Variants in ARRB1 observed in about 807,000 individuals in gnomAD.
ARRB1 encodes the protein arrestin beta 1.
ARRB1 carries 21 observed loss-of-function variants against 56.8 expected under a neutral mutation model. That is an observed-to-expected ratio of 0.37 (90% CI 0.26 to 0.53). ARRB1 has a LOEUF of 0.53. ARRB1 is among the 20% of genes least tolerant of loss of function. The probability of loss-of-function intolerance (pLI) is 0.88; values close to 1 mark genes in which losing one functional copy is unlikely to be tolerated. For missense variants in ARRB1, 424 were observed against 553.7 expected (o/e 0.77, Z 2.35); for synonymous variants, 210 against 218.6 (o/e 0.96, Z 0.35).
intron 1 of ARRB1, among the ~76,000 whole-genome samples, chr11:75,292,057 A>C (rs1046796332): frequency 6.6e-6 from 1 of 152,222 alleles, no homozygotes; most frequent in Non-Finnish European, 1.5e-5. Context: ...GAGTGTGAGC[A>C]TGGCTTACTA....
Position 75,287,532 on chromosome 11 carries a change from A to G in ARRB1, c.52-157T>C, listed in dbSNP as rs1377317974. On this transcript the variant is annotated intron_variant, in intron 2 of 15. Coordinates refer to ENST00000420843, the MANE Select transcript of ARRB1 (RefSeq NM_004041.5). ...GGACTTGGGCCTTCACCCCAGCCCT[A>G]ATACCAAGATTCGCAAACCCCTGTA... is the stretch of plus-strand genomic sequence containing the variant. Among the ~76,000 whole-genome samples the G allele has an allele frequency of 2.0e-5, 3 of 152,210 alleles. No homozygotes were observed. The South Asian group carries it at 6.2e-4, about 31-fold the overall frequency.
chr11:75,281,653 T>TC (rs1272658455), intron 6 of ARRB1: 2 of 394,256 alleles, frequency 5.1e-6, no homozygotes, highest in African/African-American at 4.1e-5. Flanking sequence ...CGCACTTTGA[T>TC]TCCAGGTTGC....
intron 1 of ARRB1, among the ~76,000 whole-genome samples, chr11:75,341,023 C>G (rs765128894): frequency 6.6e-6 from 1 of 151,952 alleles, no homozygotes; most frequent in East Asian, 1.9e-4. Flanking sequence ...CCCACCCCCG[C>G]GCACTCAGCT....
chr11:75,350,299 T>C (rs1947826952), intron 1 of ARRB1, among the ~76,000 whole-genome samples: 1 of 152,196 alleles, frequency 6.6e-6, no homozygotes, highest in South Asian at 2.1e-4. Context: ...CTTGCGCATC[T>C]TTGATCCCCC....
intron 1 of ARRB1, among the ~76,000 whole-genome samples, chr11:75,334,394 C>T (rs890965347): frequency 3.3e-5 from 5 of 151,970 alleles, no homozygotes; most frequent in Admixed American, 1.3e-4. Context: ...ACCACTTTCA[C>T]CCTCTTGATT....
chr11:75,337,417 C>T (rs1272955108), intron 1 of ARRB1, among the ~76,000 whole-genome samples: 1 of 152,186 alleles, frequency 6.6e-6, no homozygotes, highest in South Asian at 2.1e-4. Context: ...TCCTTCAGCA[C>T]GAGGACCAGG....
intron 1 of ARRB1, among the ~76,000 whole-genome samples, chr11:75,347,939 T>C (rs143409491): frequency 6.6e-6 from 1 of 152,274 alleles, no homozygotes; most frequent in African/African-American, 2.4e-5. Context: ...GTTCTCAGGT[T>C]TCTCCCCAGC....
intron 9 of ARRB1, 134 bp from the exon 10 acceptor site, chr11:75,277,045 A>C: frequency 2.5e-6 from 2 of 812,502 alleles, no homozygotes; most frequent in Non-Finnish European, 4.1e-6. Context: ...TCTGCATAAG[A>C]CCACCCCTGT....
chr11:75,287,040 T>C (rs939968000), intron 3 of ARRB1, among the ~76,000 whole-genome samples: 1 of 152,170 alleles, frequency 6.6e-6, no homozygotes, highest in African/African-American at 2.4e-5. Context: ...ACACGCCTTA[T>C]AGTAAGTGGC....
chr11:75,336,525 C>T (rs1947605175), intron 1 of ARRB1, among the ~76,000 whole-genome samples: 1 of 152,174 alleles, frequency 6.6e-6, no homozygotes, highest in African/African-American at 2.4e-5. Context: ...GATATACCTA[C>T]TCTACGAATC....
chr11:75,312,139 C>T, intron 1 of ARRB1: 1 of 1,289,456 alleles, frequency 7.8e-7, no homozygotes, highest in Non-Finnish European at 1.0e-6. Flanking sequence ...CTGGCCTCTC[C>T]CTTCTCCTTC....
At chr11:75,319,195 G>T (rs910141169) in intron 1 of ARRB1, among the ~76,000 whole-genome samples, 11 of 152,066 alleles carry the variant, frequency 7.2e-5, no homozygotes, top group African/African-American at 2.7e-4. Flanking sequence ...TGCTCGCCCA[G>T]GGGAGCAGAG....
rs1053461251 is a variant in ARRB1 at position 75,319,702 on chromosome 11, T to C, written c.21-29663A>G. On this transcript the variant is annotated intron_variant, in intron 1 of 15. Coordinates refer to ENST00000420843, the MANE Select transcript of ARRB1 (RefSeq NM_004041.5). ...AGGCTACAAGGCCGAGGTTGGGCTCTGTCAGGCCAGGATGTACGCTGGTTT... is the reference window on the plus strand; with the variant it reads ...AGGCTACAAGGCCGAGGTTGGGCTCCGTCAGGCCAGGATGTACGCTGGTTT... Among the ~76,000 whole-genome samples the C allele has an allele frequency of 4.6e-5, 7 of 152,196 alleles. 1 individual carries two copies. Among genetic ancestry groups the C allele is most frequent in the African/African-American group, 1.7e-4 (7 of 41,460 alleles).
At chr11:75,274,740 C>G (rs183442174) in intron 10 of ARRB1, 2 of 148,882 alleles carry the variant, frequency 1.3e-5, no homozygotes, top group Non-Finnish European at 1.5e-5. Context: ...TACAGTGAGC[C>G]GAGATTGCTC....
chr11:75,341,971 C>T (rs768274850), intron 1 of ARRB1, among the ~76,000 whole-genome samples: 1 of 152,186 alleles, frequency 6.6e-6, no homozygotes, highest in Admixed American at 6.5e-5. Context: ...TGCTCACGCC[C>T]TCTCCCCTCC....
intron 1 of ARRB1, chr11:75,312,145 C>A: frequency 1.6e-6 from 2 of 1,289,470 alleles, no homozygotes; most frequent in Non-Finnish European, 1.0e-6. Context: ...TCTCCCTTCT[C>A]CTTCCTCCAC....
intron 1 of ARRB1, chr11:75,311,973 G>A: frequency 8.3e-7 from 1 of 1,208,994 alleles, no homozygotes; most frequent in African/African-American, 1.6e-5. Flanking sequence ...CAGGGCCTGG[G>A]CCGAGGGGCT....
At chr11:75,340,160 G>A (rs971020940) in intron 1 of ARRB1, among the ~76,000 whole-genome samples, 2 of 152,244 alleles carry the variant, frequency 1.3e-5, no homozygotes, top group African/African-American at 4.8e-5. Context: ...TGTTCCTCTG[G>A]CTGCAGAGGC....
At chr11:75,283,914 T>C (rs1946414891) in intron 4 of ARRB1, among the ~76,000 whole-genome samples, 1 of 152,112 alleles carries the variant, frequency 6.6e-6, no homozygotes, top group African/African-American at 2.4e-5. Context: ...TCTGCACTCT[T>C]GTCTTCCTGC....
Sources: gnomAD v4.1 joint callset for allele counts (sites outside exome capture counted in the v4.1 genomes callset) on GRCh38, gnomAD v4.1.1 for gene constraint, MANE v1.5 for transcripts, NCBI Gene and HGNC (gene_info 2026-07-23, HGNC 2026-07-21) for gene names.